CERKL: variants seen among roughly 807,000 people sequenced by gnomAD.
The protein encoded by CERKL is CERK like autophagy regulator.
Under a neutral mutation model 63.4 loss-of-function variants are expected in CERKL, and 61 were observed. The ratio of observed to expected loss-of-function variants is 0.96; its 90% CI spans 0.78 to 1.19. The LOEUF (loss-of-function observed/expected upper bound fraction) is 1.19, where lower values mean the gene tolerates loss of function less well. Ranked by LOEUF, CERKL falls within the 50% of genes most tolerant of loss-of-function variation. CERKL has a pLI of 0.00. For missense variants in CERKL, 675 were observed against 655.5 expected (o/e 1.03, Z -0.33); for synonymous variants, 250 against 230.5 (o/e 1.08, Z -0.77).
chr2:181,602,141 G>A (rs1463282655), intron 2 of CERKL, among the ~76,000 whole-genome samples: 1 of 152,146 alleles, frequency 6.6e-6, no homozygotes, highest in Non-Finnish European at 1.5e-5. Flanking sequence ...ATTGAGCTTT[G>A]TTGTGATGTC....
intron 1 of CERKL, among the ~76,000 whole-genome samples, chr2:181,622,754 A>T (rs541324152): frequency 1.6e-3 from 243 of 152,356 alleles, no homozygotes; most frequent in African/African-American, 5.4e-3. Context: ...TGAAAAATTT[A>T]TACAAATTAC....
Position 181,573,745 on chromosome 2 carries a change from T to G in CERKL, c.613+8A>C. The G allele has an allele frequency of 1.2e-6, 2 of 1,610,852 alleles. No individual in the cohort carries two copies. The highest frequency in any genetic ancestry group is 2.7e-5 in the African/African-American group (2 of 74,948). On this transcript the variant is annotated splice_region_variant and intron_variant, in intron 3 of 12. Coordinates refer to ENST00000410087, the MANE Select transcript of CERKL (RefSeq NM_201548.5). ...AGATGGTGAAATTATATTCTGAAAA[T>G]TACTTACTTGTTACATCAGTTTTTA...
At position 181,537,834 on chromosome 2, in the gene CERKL, C is replaced by CAATTTCTATTAGGATATCCG. The variant is rs1418390057; in HGVS notation, c.*330_*349dup. 1 of 486,266 alleles carries CAATTTCTATTAGGATATCCG rather than the reference C, an allele frequency of 2.1e-6. No individual in the cohort carries two copies. Among genetic ancestry groups the CAATTTCTATTAGGATATCCG allele is most frequent in the South Asian group, 1.5e-5 (1 of 64,704 alleles). 30.1% of individuals were successfully genotyped at this position (486,266 alleles called of 1,614,324 possible). A position where few individuals can be genotyped will look rare whatever the true frequency, so the allele number is the denominator to read the frequency against. ...CCTAGAGGCTAATTGTTAGTAACAT[C>CAATTTCTATTAGGATATCCG]AATTTCTATTAGGATATCCGTTTGG... On this transcript the variant is annotated 3_prime_UTR_variant, in exon 13 of 13. Coordinates refer to ENST00000410087, the MANE Select transcript of CERKL (RefSeq NM_201548.5).
intron 2 of CERKL, among the ~76,000 whole-genome samples, chr2:181,594,713 TA>T (rs1685128514): frequency 6.6e-6 from 1 of 152,034 alleles, no homozygotes; most frequent in South Asian, 2.1e-4. Context: ...TTTCAAAAAA[TA>T]TAGTAAAAAA....
chr2:181,572,275 C>T (rs1004663143), intron 3 of CERKL, among the ~76,000 whole-genome samples: 8 of 151,988 alleles, frequency 5.3e-5, no homozygotes, highest in African/African-American at 1.9e-4. Context: ...TTATGTATAC[C>T]CCAGTTATAA....
In CERKL at chr2:181,558,748, G is replaced by A; in HGVS notation, c.678-40C>T. On this transcript the variant is annotated intron_variant, in intron 4 of 12. Coordinates refer to ENST00000410087, the MANE Select transcript of CERKL (RefSeq NM_201548.5). This position sits in a 1 kb window ranked among gnomAD's most constrained non-coding sequence, Gnocchi z 4.2. ...ATCAAGCAAAGAAGGCAAAACTTCA[G>A]AATGATTGGTAATAAGTCATGAAAT... 6.2e-7 allele frequency: 1 copy of A among 1,605,860 alleles called. No homozygotes were observed. The highest frequency in any genetic ancestry group is 8.5e-7 in the Non-Finnish European group (1 of 1,173,264).
chr2:181,631,128 T>A (rs1252683303), intron 1 of CERKL, among the ~76,000 whole-genome samples: 1 of 152,206 alleles, frequency 6.6e-6, no homozygotes, highest in Non-Finnish European at 1.5e-5. Flanking sequence ...TTGTGTAAGA[T>A]TTGAAAGCAC....
At chr2:181,566,162 T>G (rs1210657240) in intron 3 of CERKL, 41 bp from the exon 4 acceptor site, 2 of 1,473,916 alleles carry the variant, frequency 1.4e-6, no homozygotes, top group Admixed American at 1.7e-5. Context: ...GTGACAGTTT[T>G]AAACAATGAT....
intron 1 of CERKL, among the ~76,000 whole-genome samples, chr2:181,630,648 C>T (rs1291284555): frequency 6.6e-6 from 1 of 152,112 alleles, no homozygotes; most frequent in Non-Finnish European, 1.5e-5. Context: ...AGGAAGAGAA[C>T]CCTCTTCAGA....
intron 2 of CERKL, among the ~76,000 whole-genome samples, chr2:181,582,759 G>T (rs998737161): frequency 1.3e-5 from 2 of 151,926 alleles, no homozygotes; most frequent in African/African-American, 2.4e-5. Context: ...GGCCAGGCTC[G>T]TCTTGAACTC....
chr2:181,544,870 C>G, intron 10 of CERKL, 74 bp from the exon 11 acceptor site: 1 of 828,632 alleles, frequency 1.2e-6, no homozygotes, highest in South Asian at 1.5e-5. Flanking sequence ...ACATACTGTT[C>G]CTTATAACAA....
chr2:181,624,055 G>A (rs13400384), intron 1 of CERKL, among the ~76,000 whole-genome samples: 2,396 of 152,220 alleles, frequency 0.016, 19 homozygotes, highest in African/African-American at 0.034. Flanking sequence ...TGCATACTTG[G>A]TGTGTTCAAG....
chr2:181,578,163 A>C (rs979771955), intron 2 of CERKL, among the ~76,000 whole-genome samples: 2 of 152,004 alleles, frequency 1.3e-5, no homozygotes, highest in Admixed American at 6.5e-5. Flanking sequence ...TCCTTCTAGA[A>C]ATGTATCTAT....
At chr2:181,580,665 T>A (rs562292044) in intron 2 of CERKL, among the ~76,000 whole-genome samples, 1 of 152,322 alleles carries the variant, frequency 6.6e-6, no homozygotes, top group East Asian at 1.9e-4. Flanking sequence ...ACCATATCCA[T>A]CTATTCTATT....
intron 2 of CERKL, among the ~76,000 whole-genome samples, chr2:181,588,295 T>C (rs1684849969): frequency 6.6e-6 from 1 of 152,138 alleles, no homozygotes; most frequent in African/African-American, 2.4e-5. Context: ...ACCATTCTAT[T>C]CTACTTCCTT....
intron 2 of CERKL, among the ~76,000 whole-genome samples, chr2:181,589,751 G>T (rs1371509480): frequency 6.6e-6 from 1 of 152,142 alleles, no homozygotes; most frequent in African/African-American, 2.4e-5. Context: ...TGAGTGTAAA[G>T]AAAGTCTTAC....
rs1262048707 is a variant in CERKL at position 181,547,721 on chromosome 2, T to TA, written c.1164dup (p.Asn389Ter). 1 of 1,613,846 alleles carries TA rather than the reference T, an allele frequency of 6.2e-7. No homozygotes were observed. The highest frequency in any genetic ancestry group is 8.5e-7 in the Non-Finnish European group (1 of 1,179,890). On this transcript the variant is annotated frameshift_variant, in exon 10 of 13. Transcript: ENST00000410087. LOFTEE classifies it high-confidence loss of function. ...CCCTGGATCATTTGCCATTGATCAT[T>TA]ACAGTCTAAAGGTAATGAAAGTGAT... is the stretch of plus-strand genomic sequence containing the variant.
At chr2:181,544,624 G>C in intron 11 of CERKL, 76 bp downstream of exon 11, 1 of 802,568 alleles carries the variant, frequency 1.2e-6, no homozygotes, top group Non-Finnish European at 2.1e-6. Flanking sequence ...GGCAGGATTC[G>C]ATGTCAATTC....
At chr2:181,573,731 T>G (rs1283917746) in intron 3 of CERKL, 22 bp downstream of exon 3, 1 of 1,607,164 alleles carries the variant, frequency 6.2e-7, no homozygotes, top group Admixed American at 1.7e-5. Context: ...GATGGTGAAA[T>G]TATATTCTGA....
Sources: allele counts gnomAD v4.1 joint callset (sites outside exome capture counted in the v4.1 genomes callset), GRCh38; gene constraint gnomAD v4.1.1; non-coding constraint Gnocchi (gnomAD v3.1); transcripts MANE v1.5; gene names NCBI Gene and HGNC (gene_info 2026-07-23, HGNC 2026-07-21).